The following STAP2 variants were observed in gnomAD, a reference collection of about 807,000 sequenced individuals.
STAP2 encodes the protein signal-transducing adaptor protein 2.
Under a neutral mutation model 52.7 loss-of-function variants are expected in STAP2, and 58 were observed. That is an observed-to-expected ratio of 1.10 (90% CI 0.89 to 1.37). The LOEUF is 1.37. Among genes scored for constraint, STAP2 ranks in the 40% most tolerant of loss-of-function variants. STAP2 has a pLI of 0.00. For synonymous variants in STAP2, 231 were observed against 210.5 expected (o/e 1.10, Z -0.84); for missense variants, 522 against 519.4 (o/e 1.00, Z -0.05).
At position 4,328,696 on chromosome 19, in the gene STAP2, G is replaced by T. The variant is rs1332253122; in HGVS notation, c.569C>A (p.Thr190Asn). 1 of 1,604,394 alleles carries T rather than the reference G, an allele frequency of 6.2e-7. No homozygotes were observed. The highest frequency in any genetic ancestry group is 2.2e-5 in the East Asian group (1 of 44,604). ...GCACCCGTTGTGCATCTGCCGCGTG[G>T]TGACCGACACGCCGTCGGCGCCGTC... is the stretch of plus-strand genomic sequence containing the variant. Reference protein sequence around the residue: ...SGDGADGVSVTTRQMHNGTHV... With the variant: ...SGDGADGVSVNTRQMHNGTHV... The change falls in exon 6 of 13, where the codon ACC becomes AAC. Residue 190 changes from threonine to asparagine, a missense_variant. By Grantham distance (65) the Thr-to-Asn change is moderately conservative (BLOSUM62 0). Coordinates refer to ENST00000594605, the MANE Select transcript of STAP2 (RefSeq NM_001013841.2).
intron 1 of STAP2, among the ~76,000 whole-genome samples, chr19:4,337,574 C>T (rs369708968): frequency 2.7e-5 from 4 of 146,386 alleles, no homozygotes; most frequent in Non-Finnish European, 3.0e-5. Context: ...AGGCTGGGTG[C>T]GGTGGCTCAT....
At chr19:4,337,774 C>T (rs990531416) in intron 1 of STAP2, among the ~76,000 whole-genome samples, 2 of 151,874 alleles carry the variant, frequency 1.3e-5, no homozygotes, top group African/African-American at 2.4e-5. Context: ...TCGTTTGAAC[C>T]TGGGAGGTGG....
At chr19:4,333,859 C>T (rs755580879) in intron 2 of STAP2, 43 bp from the exon 3 acceptor site, 1 of 1,613,278 alleles carries the variant, frequency 6.2e-7, no homozygotes, top group Non-Finnish European at 8.5e-7. Flanking sequence ...AGTTCCTTGG[C>T]CTCCAGGCCC....
Position 4,324,202 on chromosome 19 carries a change from G to T in STAP2, c.1148-5C>A. 1 of 1,550,906 alleles carries T rather than the reference G, an allele frequency of 6.4e-7. No homozygotes were observed. On this transcript the variant is annotated splice_region_variant and splice_polypyrimidine_tract_variant and intron_variant, in intron 12 of 12. Transcript: ENST00000594605. ...CTGCCGTCATGTCTGCCAGCCCTGG[G>T]GGTTCAGGACCAGGAGCTGCAGCTG...
chr19:4,327,479 T>C (rs1971814454), intron 6 of STAP2, 94 bp from the exon 7 acceptor site: 6 of 1,349,298 alleles, frequency 4.4e-6, no homozygotes, highest in Non-Finnish European at 6.2e-6. Flanking sequence ...CCGCCTCCAA[T>C]AGAAACAGGT....
intron 1 of STAP2, among the ~76,000 whole-genome samples, chr19:4,337,079 G>A (rs904524663): frequency 3.3e-5 from 5 of 152,072 alleles, no homozygotes; most frequent in Non-Finnish European, 5.9e-5. Flanking sequence ...GACATGGGCA[G>A]GGAGGAGCTG....
chr19:4,338,760 G>C lies in STAP2; in HGVS notation c.-7C>G, dbSNP rs762316651. 30 of 1,608,466 alleles carry C rather than the reference G, an allele frequency of 1.9e-5. 1 individual carries two copies. The Middle Eastern group carries it at 5.0e-4, about 27-fold the overall frequency. ...GCCTCAGGGCAGAGGCCATGACGGA[G>C]CCAGGGTCTTCCGCCTGGCCTCTCC... On this transcript the variant is annotated 5_prime_UTR_variant, in exon 1 of 13. Coordinates refer to ENST00000594605, the MANE Select transcript of STAP2 (RefSeq NM_001013841.2).
Position 4,327,238 on chromosome 19 carries a change from T to G in STAP2, c.661-12A>C. The G allele has an allele frequency of 1.2e-6, 2 of 1,614,006 alleles. No homozygotes were observed. Among genetic ancestry groups the G allele is most frequent in the Non-Finnish European group, 1.7e-6 (2 of 1,179,998 alleles). The stretch of plus-strand genomic sequence containing the variant: ...GAGGTGCAAGAGAACTGGGGGCAGA[T>G]GGGGGAGCGGTCAGGCTGCTGGAGA... On this transcript the variant is annotated splice_polypyrimidine_tract_variant and intron_variant, in intron 7 of 12. Coordinates refer to ENST00000594605, the MANE Select transcript of STAP2 (RefSeq NM_001013841.2).
chr19:4,332,045 C>T lies in STAP2; in HGVS notation c.331G>A (p.Gly111Ser). The T allele has an allele frequency of 3.7e-6, 6 of 1,613,224 alleles. No individual in the cohort carries two copies. The highest frequency in any genetic ancestry group is 5.1e-6 in the Non-Finnish European group (6 of 1,179,812). Residue 111 changes from glycine to serine, a missense_variant, in exon 4 of 13, where the codon GGC becomes AGC. Physicochemically the swap from Gly to Ser is moderately conservative, Grantham distance 56 (BLOSUM62 0). Coordinates refer to ENST00000594605, the MANE Select transcript of STAP2 (RefSeq NM_001013841.2). ...ETLECREMWK[G>S]FILTVVELRV... ...ACCTCCACCACCGTTAAGATGAAGCCTTTCCACATTTCCCGACACTCCAAG... is the reference window on the plus strand; with the variant it reads ...ACCTCCACCACCGTTAAGATGAAGCTTTTCCACATTTCCCGACACTCCAAG...
In STAP2 at chr19:4,333,295, G is replaced by C. The variant is rs537054591; in HGVS notation, c.297+399C>G. 1.6e-4 allele frequency among the ~76,000 whole-genome samples: 24 copies of C among 152,248 alleles called. No homozygotes were observed. The South Asian group carries it at 5.0e-3, about 32-fold the overall frequency. On this transcript the variant is annotated intron_variant, in intron 3 of 12. Coordinates refer to ENST00000594605, the MANE Select transcript of STAP2 (RefSeq NM_001013841.2). ...GGATCACCTGAGGTGAGGAGTTCCA[G>C]GCCAGCATGGCCAACATGGTGAAAC...
Position 4,327,456 on chromosome 19 carries a change from C to T in STAP2, c.591-71G>A, listed in dbSNP as rs1449396380. 5.8e-6 allele frequency: 9 copies of T among 1,538,484 alleles called. No individual in the cohort carries two copies. In the East Asian group the frequency reaches 6.9e-5, roughly 12 times the overall value. On this transcript the variant is annotated intron_variant, in intron 6 of 12. Coordinates refer to ENST00000594605, the MANE Select transcript of STAP2 (RefSeq NM_001013841.2). ...ACCGCCCCTCAGGGAAGGCCCCGCC[C>T]CAACTCCAGGCTCCGCCTCCAATAG...
intron 9 of STAP2, among the ~76,000 whole-genome samples, chr19:4,326,053 C>G (rs113675253): frequency 0.024 from 3,604 of 152,214 alleles, 101 homozygotes; most frequent in African/African-American, 0.069. Context: ...TGTACACACA[C>G]ACCTGTGGTG....
At chr19:4,334,718 A>C (rs1232366176) in intron 1 of STAP2, among the ~76,000 whole-genome samples, 1 of 125,740 alleles carries the variant, frequency 8.0e-6, no homozygotes, top group Non-Finnish European at 1.7e-5. Flanking sequence ...CCATCCATCC[A>C]GTCATTCATC....
Position 4,332,049 on chromosome 19 carries a change from C to T in STAP2, c.327G>A (p.Trp109Ter), listed in dbSNP as rs763442312. Residue 109 changes from tryptophan to a stop codon, truncating the protein, a stop_gained, in exon 4 of 13, where the codon TGG (tryptophan) becomes TGA (stop). Transcript: ENST00000594605. LOFTEE classifies it high-confidence loss of function. ...KVETLECREM[W>*]KGFILTVVEL... ...CCACCACCGTTAAGATGAAGCCTTT[C>T]CACATTTCCCGACACTCCAAGGTCT... 4 of 1,613,102 alleles carry T rather than the reference C, an allele frequency of 2.5e-6. No homozygotes were observed. Among genetic ancestry groups the T allele is most frequent in the Admixed American group, 1.7e-5 (1 of 59,770 alleles).
chr19:4,325,200 T>A lies in STAP2; in HGVS notation c.1072+16A>T. On this transcript the variant is annotated intron_variant, in intron 11 of 12. Coordinates refer to ENST00000594605, the MANE Select transcript of STAP2 (RefSeq NM_001013841.2). ...CCTGCCATCAGGTGAGGGTGGGATA[T>A]GGGGGGGACCCCAACCTGGCTTGGG... 6.4e-7 allele frequency: 1 copy of A among 1,566,102 alleles called. No individual in the cohort carries two copies. The highest frequency in any genetic ancestry group is 1.2e-5 in the South Asian group (1 of 86,114).
intron 5 of STAP2, 84 bp downstream of exon 5, chr19:4,329,877 G>A: frequency 1.1e-6 from 1 of 888,218 alleles, no homozygotes; most frequent in South Asian, 1.4e-5. Context: ...CAACTCCAGG[G>A]GACCCAACTC....
chr19:4,325,186 G>A lies in STAP2; in HGVS notation c.1072+30C>T, dbSNP rs370358725. ...AGGGCTGAGGCTGGCCTGCCATCAGGTGAGGGTGGGATATGGGGGGGACCC... is the reference window on the plus strand; with the variant it reads ...AGGGCTGAGGCTGGCCTGCCATCAGATGAGGGTGGGATATGGGGGGGACCC... On this transcript the variant is annotated intron_variant, in intron 11 of 12. Transcript: ENST00000594605. 9 of 1,545,158 alleles carry A rather than the reference G, an allele frequency of 5.8e-6. No individual in the cohort carries two copies. The African/African-American group carries it at 1.1e-4, about 19-fold the overall frequency.
intron 4 of STAP2, among the ~76,000 whole-genome samples, chr19:4,330,907 G>T (rs1000611522): frequency 1.3e-5 from 2 of 151,802 alleles, no homozygotes; most frequent in Non-Finnish European, 2.9e-5. Flanking sequence ...TAGAGACAGG[G>T]TTTCACCGTG....
At chr19:4,334,314 G>A (rs1404419029) in intron 1 of STAP2, among the ~76,000 whole-genome samples, 8 of 152,038 alleles carry the variant, frequency 5.3e-5, no homozygotes, top group South Asian at 4.1e-4. Context: ...AGCAACCCCC[G>A]CCAATCTATA....
Sources: gnomAD v4.1 joint callset for allele counts (sites outside exome capture counted in the v4.1 genomes callset) on GRCh38, gnomAD v4.1.1 for gene constraint, MANE v1.5 for transcripts, NCBI Gene and HGNC (gene_info 2026-07-23, HGNC 2026-07-21) for gene names.